MTFR1: variants seen among roughly 807,000 people sequenced by gnomAD.
MTFR1 encodes chondrocyte protein with a poly-proline region.
MTFR1 carries 28 observed loss-of-function variants against 38.8 expected under a neutral mutation model. The ratio of observed to expected loss-of-function variants is 0.72; its 90% CI spans 0.53 to 0.99. The LOEUF is 0.99. MTFR1 is among the 50% of genes least tolerant of loss of function. The pLI is 0.00. For missense variants in MTFR1, 358 were observed against 395.5 expected, an observed-to-expected ratio of 0.91 and a Z score of 0.81; for synonymous variants, 145 against 137.0, an observed-to-expected ratio of 1.06 and a Z score of -0.41.
At position 65,698,491 on chromosome 8, in the gene MTFR1, C is replaced by A. The variant is rs79820698; in HGVS notation, c.281+4732C>A. ...ATTTTTTCATACAGGTTGAGCAACC[C>A]TAATTTGAAAATCCAAAATCAGAAG... is the stretch of plus-strand genomic sequence containing the variant. On this transcript the variant is annotated intron_variant, in intron 4 of 7. Transcript: ENST00000262146. Among the ~76,000 whole-genome samples the A allele has an allele frequency of 7.7e-3, 1,165 of 151,920 alleles. 6 individuals carry two copies. Among genetic ancestry groups the A allele is most frequent in the African/African-American group, 0.025 (1,056 of 41,436 alleles).
rs1804866556 is a variant in MTFR1, at chr8:65,680,979, C to G, written c.67-1374C>G. Among the ~76,000 whole-genome samples, 4 of 143,036 alleles carry G rather than the reference C, an allele frequency of 2.8e-5. No individual in the cohort carries two copies. In the Admixed American group the frequency reaches 2.9e-4, roughly 10 times the overall value. 93.8% of individuals were successfully genotyped at this position (143,036 alleles called of 152,430 possible). ...GGACTGCGGACTGCAGTGGCGCAAT[C>G]TCGGCTCACTGCAAGCTCCGCCTCC... is the stretch of plus-strand genomic sequence containing the variant. On this transcript the variant is annotated intron_variant, in intron 2 of 7. Transcript: ENST00000262146.
intron 3 of MTFR1, among the ~76,000 whole-genome samples, chr8:65,720,920 C>T (rs1806349598): frequency 1.3e-5 from 2 of 152,182 alleles, no homozygotes; most frequent in Non-Finnish European, 2.9e-5. Context: ...CCACATGGCC[C>T]TTATTATTAT....
At chr8:65,668,027 T>A (rs1804440247) in intron 1 of MTFR1, among the ~76,000 whole-genome samples, 2 of 152,138 alleles carry the variant, frequency 1.3e-5, no homozygotes, top group African/African-American at 4.8e-5. Flanking sequence ...CTATTCTCTG[T>A]TGTTATCTAT....
intron 3 of MTFR1, chr8:65,682,738 T>C (rs1298661986): frequency 1.0e-6 from 1 of 984,262 alleles, no homozygotes; most frequent in African/African-American, 1.7e-5. Context: ...ACCTCAAACA[T>C]AGGCTTTATA....
chr8:65,724,232 T>A (rs760538066), intron 3 of MTFR1: 1 of 1,448,560 alleles, frequency 6.9e-7, no homozygotes, highest in African/African-American at 1.4e-5. Flanking sequence ...ATAGATTAAT[T>A]ATCACTCAAT....
At chr8:65,739,611 A>G (rs766235730) in intron 3 of MTFR1, 1 of 1,507,002 alleles carries the variant, frequency 6.6e-7, no homozygotes, top group East Asian at 2.5e-5. Context: ...AAAAGAAAGA[A>G]GAGACATTAC....
rs541533983 is a variant in MTFR1 at position 65,757,763 on chromosome 8, C to T, written c.*49-13184C>T. ...CCTCCTGAGTAGCTGGGACTACAGA[C>T]GTGTGCCACCACGCCCGGCTAACTT... On this transcript the variant is annotated intron_variant, in intron 3 of 3. Coordinates refer to the MTFR1 transcript ENST00000521247. Among the ~76,000 whole-genome samples the T allele has an allele frequency of 5.3e-5, 8 of 152,206 alleles. No homozygotes were observed. The East Asian group carries it at 7.7e-4, about 15-fold the overall frequency.
At chr8:65,764,102 C>G (rs1400419034) in intron 3 of MTFR1, among the ~76,000 whole-genome samples, 1 of 152,144 alleles carries the variant, frequency 6.6e-6, no homozygotes, top group Non-Finnish European at 1.5e-5. Flanking sequence ...CAATTCAGTA[C>G]AGCAGTGCTA....
intron 3 of MTFR1, among the ~76,000 whole-genome samples, chr8:65,767,118 A>G (rs1808826805): frequency 6.6e-6 from 1 of 152,216 alleles, no homozygotes; most frequent in African/African-American, 2.4e-5. Flanking sequence ...GAAGAATTAG[A>G]TCCTTTATTT....
In MTFR1 at chr8:65,693,764, G is replaced by A. The variant is rs1805352889; in HGVS notation, c.281+5G>A. On this transcript the variant is annotated splice_donor_5th_base_variant and intron_variant, in intron 4 of 7. Transcript: ENST00000262146. ...AGAGTGTTCAGCAAGACTAAGGTTAGTTTGGAAGGCTATCAGAACTGAGAT... is the reference window on the plus strand; with the variant it reads ...AGAGTGTTCAGCAAGACTAAGGTTAATTTGGAAGGCTATCAGAACTGAGAT... 2 of 1,606,960 alleles carry A rather than the reference G, an allele frequency of 1.2e-6. No individual in the cohort carries two copies. The highest frequency in any genetic ancestry group is 2.7e-5 in the African/African-American group (2 of 74,884).
intron 3 of MTFR1, chr8:65,747,775 A>G (rs753568241): frequency 1.9e-5 from 31 of 1,609,126 alleles, no homozygotes; most frequent in Non-Finnish European, 2.5e-5. Context: ...TATTCCTTGC[A>G]GAGACAGACA....
At chr8:65,760,992 G>A (rs1053238558) in intron 3 of MTFR1, among the ~76,000 whole-genome samples, 3 of 151,986 alleles carry the variant, frequency 2.0e-5, no homozygotes, top group African/African-American at 4.8e-5. Context: ...ACTTTCATCC[G>A]AACAATTACT....
At chr8:65,724,770 A>G (rs774612913) in intron 3 of MTFR1, 11 of 1,600,100 alleles carry the variant, frequency 6.9e-6, no homozygotes, top group South Asian at 1.1e-5. Flanking sequence ...TCCAAGCCCC[A>G]TTTTACCTGT....
chr8:65,715,954 G>A (rs1447590096), intron 2 of MTFR1, among the ~76,000 whole-genome samples: 2 of 139,012 alleles, frequency 1.4e-5, no homozygotes, highest in African/African-American at 5.3e-5. Context: ...CCAATATCGC[G>A]GCACTGCACT....
chr8:65,773,770 T>C (rs1809179457), downstream of MTFR1, among the ~76,000 whole-genome samples: 1 of 152,184 alleles, frequency 6.6e-6, no homozygotes, highest in African/African-American at 2.4e-5. Flanking sequence ...TTAGAGATAC[T>C]TCTAACAATC....
Position 65,719,194 on chromosome 8 carries a change from AC to A in MTFR1, c.382-184del, listed in dbSNP as rs1806271694. On this transcript the variant is annotated intron_variant, in intron 2 of 3. Transcript: ENST00000521247. ...GCTGGCTGGCATCACTCACTTGGAA[AC>A]CTTGGCAGTCAAGAGTTAAGTTCTC... The A allele has an allele frequency of 1.3e-5, 10 of 785,140 alleles. No individual in the cohort carries two copies. The South Asian group carries it at 1.5e-4, about 12-fold the overall frequency. 48.6% of individuals were successfully genotyped at this position (785,140 alleles called of 1,614,324 possible).
intron 1 of MTFR1, among the ~76,000 whole-genome samples, chr8:65,662,686 T>C (rs1809471945): frequency 7.1e-6 from 1 of 140,988 alleles, no homozygotes; most frequent in Non-Finnish European, 1.6e-5. Flanking sequence ...GTCTGAGAAG[T>C]GAGGAGCCCC....
chr8:65,761,202 A>G (rs1808479325), intron 3 of MTFR1, among the ~76,000 whole-genome samples: 1 of 151,990 alleles, frequency 6.6e-6, no homozygotes, highest in Non-Finnish European at 1.5e-5. Flanking sequence ...AGTAGCTGGG[A>G]TTACAGGCAC....
Position 65,704,752 on chromosome 8 carries a change from C to G in MTFR1, c.340C>G (p.Pro114Ala), listed in dbSNP as rs749588051. The G allele has an allele frequency of 5.6e-6, 9 of 1,613,930 alleles. No homozygotes were observed. Among genetic ancestry groups the G allele is most frequent in the South Asian group, 3.3e-5 (3 of 91,086 alleles). The change falls in exon 5 of 8, where the codon CCA (proline) becomes GCA (alanine). Residue 114 changes from proline (P) to alanine (A), a missense_variant. Transcript: ENST00000262146. ...TGACCTTCTTTTCTTTGAGAAGGCC[C>G]CAAGCAGACAGATTTCCTTACCAGA... ...QDDLLFFEKA[P>A]SRQISLPDLS...
Sources: gnomAD v4.1 joint callset for allele counts (sites outside exome capture counted in the v4.1 genomes callset) on GRCh38, gnomAD v4.1.1 for gene constraint, MANE v1.5 for transcripts, NCBI Gene and HGNC (gene_info 2026-07-23, HGNC 2026-07-21) for gene names.